Variants in MYRFL observed in about 807,000 individuals in gnomAD.
The protein encoded by MYRFL is myelin regulatory factor like.
MYRFL carries 88 observed loss-of-function variants against 109.4 expected under a neutral mutation model. The observed-to-expected ratio is 0.80, with a 90% CI of 0.68 to 0.96. MYRFL has a LOEUF of 0.96. Among genes scored for constraint, MYRFL ranks in the 40% least tolerant of loss-of-function variants. MYRFL has a pLI of 0.00. For synonymous variants in MYRFL, 324 were observed against 320.9 expected (o/e 1.01, Z -0.10); for missense variants, 957 against 954.9 (o/e 1.00, Z -0.03).
In MYRFL at chr12:69,943,855, C is replaced by T. The variant is rs1955746118; in HGVS notation, c.2224+7223C>T. On this transcript the variant is annotated intron_variant, in intron 19 of 24. Transcript: ENST00000552032. ...TTTACAAGAAAAAAACAAACAGCCC[C>T]ATCAAAAAGTGGATGAAGGACATGA... is the stretch of plus-strand genomic sequence containing the variant. Among the ~76,000 whole-genome samples the T allele has an allele frequency of 3.3e-5, 5 of 152,208 alleles. No homozygotes were observed. The South Asian group carries it at 1.0e-3, about 32-fold the overall frequency.
chr12:69,865,578 A>G (rs1002144612), intron 2 of MYRFL, among the ~76,000 whole-genome samples: 4 of 152,196 alleles, frequency 2.6e-5, no homozygotes, highest in East Asian at 1.9e-4. Flanking sequence ...AGGACAGGGG[A>G]AGGTCAGAGA....
chr12:69,929,676 G>A (rs182152426), intron 15 of MYRFL, among the ~76,000 whole-genome samples: 1 of 152,184 alleles, frequency 6.6e-6, no homozygotes. Context: ...AAAACAGATA[G>A]TAAAAAGGAG....
At chr12:69,904,874 C>T (rs567736024) in intron 11 of MYRFL, among the ~76,000 whole-genome samples, 11 of 152,252 alleles carry the variant, frequency 7.2e-5, no homozygotes, top group Non-Finnish European at 1.3e-4. Flanking sequence ...CACTATTAGC[C>T]CCTCTTCCAG....
intron 6 of MYRFL, among the ~76,000 whole-genome samples, chr12:69,889,572 C>T (rs555364397): frequency 1.4e-3 from 211 of 152,094 alleles, no homozygotes; most frequent in African/African-American, 4.2e-3. Context: ...AATTTTGGAT[C>T]GGCTGGGCGC....
intron 5 of MYRFL, among the ~76,000 whole-genome samples, chr12:69,883,948 A>G (rs141543184): frequency 6.6e-6 from 1 of 152,226 alleles, no homozygotes. Flanking sequence ...TTTCCATAGT[A>G]TTCCATATAA....
chr12:69,901,896 TTTTTTAAA>T (rs1954202934), intron 10 of MYRFL, among the ~76,000 whole-genome samples: 2 of 149,886 alleles, frequency 1.3e-5, no homozygotes, highest in African/African-American at 5.0e-5. Context: ...TTTTTTTGTT[TTTTTTAAA>T]TTTTCTTGAG....
intron 2 of MYRFL, among the ~76,000 whole-genome samples, chr12:69,860,095 G>T (rs1410482013): frequency 6.6e-6 from 1 of 151,920 alleles, no homozygotes; most frequent in Non-Finnish European, 1.5e-5. Flanking sequence ...CTCTCCATCT[G>T]CCCCCAACAC....
chr12:69,847,938 G>A (rs554766825), intron 1 of MYRFL, among the ~76,000 whole-genome samples: 2 of 152,182 alleles, frequency 1.3e-5, no homozygotes, highest in Non-Finnish European at 2.9e-5. Context: ...TGGTTTAAGA[G>A]TCTTTTTCTC....
chr12:69,864,333 T>C (rs539891406), intron 2 of MYRFL, among the ~76,000 whole-genome samples: 1 of 152,338 alleles, frequency 6.6e-6, no homozygotes, highest in South Asian at 2.1e-4. Context: ...CAGTTCATTT[T>C]TTTTTCAATC....
intron 11 of MYRFL, 148 bp downstream of exon 11, chr12:69,903,992 G>A (rs1954278567): frequency 1.5e-6 from 1 of 665,848 alleles, no homozygotes; most frequent in Non-Finnish European, 2.4e-6. Flanking sequence ...AATGATGACT[G>A]AGCTGCTGGG....
chr12:69,941,256 T>C (rs1029197155), intron 19 of MYRFL, among the ~76,000 whole-genome samples: 2 of 114,204 alleles, frequency 1.8e-5, no homozygotes, highest in East Asian at 2.5e-4. Flanking sequence ...ACACCACACC[T>C]ATTCCAAAAT....
rs982325908 is a variant in MYRFL at position 69,903,863 on chromosome 12, C to T, written c.1383+19C>T. On this transcript the variant is annotated intron_variant, in intron 11 of 24. Transcript: ENST00000552032. ...CCAGGAGGTGAGCACAGATTCAGGC[C>T]CTGGGCCCCTCCTCTGACACCCCAG... The T allele has an allele frequency of 4.0e-6, 6 of 1,499,888 alleles. No homozygotes were observed. The highest frequency in any genetic ancestry group is 5.3e-6 in the Non-Finnish European group (6 of 1,125,482). The allele number at this position is 1,499,888 out of a possible 1,614,324, so 92.9% of individuals were successfully genotyped here. A position where few individuals can be genotyped will look rare whatever the true frequency, so the allele number is the denominator to read the frequency against.
In MYRFL at chr12:69,910,062, A is replaced by C; in HGVS notation, c.1477A>C (p.Thr493Pro). The C allele has an allele frequency of 3.9e-6, 6 of 1,527,388 alleles. No homozygotes were observed. Among genetic ancestry groups the C allele is most frequent in the Non-Finnish European group, 5.2e-6 (6 of 1,143,952 alleles). 94.6% of individuals were successfully genotyped at this position (1,527,388 alleles called of 1,614,324 possible). Reference sequence around the variant, plus strand: ...ATTTGCATCTGCAATGGGAATAAACACTGCCCATCAAACAGGTACACACAC... The same window carrying C: ...ATTTGCATCTGCAATGGGAATAAACCCTGCCCATCAAACAGGTACACACAC... The part of the protein sequence containing the change: ...PEFASAMGIN[T>P]AHQTGMIAQE... The change falls in exon 12 of 25, where the codon ACT becomes CCT. Residue 493 changes from threonine to proline, a missense_variant. Transcript: ENST00000552032.
Position 69,943,552 on chromosome 12 carries a change from A to AAC in MYRFL, c.2224+6920_2224+6921insAC, listed in dbSNP as rs1592884501. Reference sequence around the variant, plus strand: ...TCAATTCAAGATGGATTAAAGACTTACATGTTAGACCTAAAACCATAAAAA... The same window carrying AAC: ...TCAATTCAAGATGGATTAAAGACTTAACCATGTTAGACCTAAAACCATAAAAA... On this transcript the variant is annotated intron_variant, in intron 19 of 24. Coordinates refer to ENST00000552032, the MANE Select transcript of MYRFL (RefSeq NM_182530.3). Among the ~76,000 whole-genome samples, 7 of 151,600 alleles carry AAC rather than the reference A, an allele frequency of 4.6e-5. No homozygotes were observed. In the East Asian group the frequency reaches 1.4e-3, roughly 29 times the overall value.
chr12:69,908,298 C>T (rs1954440223), intron 11 of MYRFL, among the ~76,000 whole-genome samples: 2 of 152,202 alleles, frequency 1.3e-5, no homozygotes, highest in Admixed American at 1.3e-4. Flanking sequence ...ATGAAGTTGA[C>T]ACAATTAGTT....
intron 1 of MYRFL, among the ~76,000 whole-genome samples, chr12:69,841,795 T>G (rs902415517): frequency 3.3e-5 from 5 of 152,368 alleles, no homozygotes; most frequent in Admixed American, 6.5e-5. Context: ...TATGTTTTTA[T>G]GTCAGTTTTT....
intron 8 of MYRFL, 137 bp from the exon 9 acceptor site, chr12:69,895,234 T>C: frequency 1.6e-6 from 1 of 640,478 alleles, no homozygotes; most frequent in Non-Finnish European, 2.7e-6. Context: ...AATCGGGGAC[T>C]AGAATAAACT....
At chr12:69,923,626 C>A (rs901371808) in intron 13 of MYRFL, among the ~76,000 whole-genome samples, 1 of 151,984 alleles carries the variant, frequency 6.6e-6, no homozygotes, top group Non-Finnish European at 1.5e-5. Context: ...TATAATCCAT[C>A]ACTATTATTA....
intron 13 of MYRFL, among the ~76,000 whole-genome samples, chr12:69,922,622 C>T (rs1954949995): frequency 6.6e-6 from 1 of 152,132 alleles, no homozygotes. Context: ...CAACCTCCAA[C>T]ATCATACTGT....
Sources: gnomAD v4.1 joint callset for allele counts (sites outside exome capture counted in the v4.1 genomes callset) on GRCh38, gnomAD v4.1.1 for gene constraint, MANE v1.5 for transcripts, NCBI Gene and HGNC (gene_info 2026-07-23, HGNC 2026-07-21) for gene names.